The following MFF variants were observed in gnomAD, a reference collection of about 807,000 sequenced individuals.
MFF encodes mitochondrial fission factor.
MFF carries 12 observed loss-of-function variants against 36.9 expected under a neutral mutation model. That is an observed-to-expected ratio of 0.33 (90% CI 0.21 to 0.53). The LOEUF is 0.53. Ranked by LOEUF, MFF falls within the 20% of genes least tolerant of loss-of-function variation. The pLI is 0.95. For missense variants in MFF, 348 were observed against 366.6 expected, an observed-to-expected ratio of 0.95 and a Z score of 0.42; for synonymous variants, 99 against 126.2, an observed-to-expected ratio of 0.78 and a Z score of 1.44.
intron 5 of MFF, among the ~76,000 whole-genome samples, chr2:227,345,715 C>G (rs529915290): frequency 7.2e-5 from 11 of 151,914 alleles, no homozygotes; most frequent in Non-Finnish European, 1.6e-4. Flanking sequence ...TTGTTTTTAC[C>G]CTTCTGGAAT....
chr2:227,335,407 T>C (rs551571375), intron 4 of MFF, among the ~76,000 whole-genome samples: 1 of 152,234 alleles, frequency 6.6e-6, no homozygotes, highest in South Asian at 2.1e-4. Context: ...TTTGGGCTGA[T>C]GAAAATATTC....
chr2:227,339,697 T>C (rs1279601445), intron 4 of MFF, among the ~76,000 whole-genome samples: 1 of 152,204 alleles, frequency 6.6e-6, no homozygotes, highest in Non-Finnish European at 1.5e-5. Flanking sequence ...TCACCAGCCC[T>C]CTGAATTTCA....
At chr2:227,347,569 G>C (rs2075778891) in intron 6 of MFF, among the ~76,000 whole-genome samples, 185 bp downstream of exon 6, 1 of 152,150 alleles carries the variant, frequency 6.6e-6, no homozygotes, top group Non-Finnish European at 1.5e-5. Flanking sequence ...CATTTCACAA[G>C]ATTACATTAG....
intron 7 of MFF, chr2:227,355,416 T>C (rs1167326919): frequency 4.1e-6 from 1 of 245,144 alleles, no homozygotes; most frequent in Non-Finnish European, 7.8e-6. Flanking sequence ...GAGAATTTTC[T>C]ATGTGTTTCT....
At chr2:227,342,649 A>C in intron 5 of MFF, 7 of 928,864 alleles carry the variant, frequency 7.5e-6, no homozygotes, top group Non-Finnish European at 1.2e-5. Flanking sequence ...GTCAGCTATT[A>C]GCGCAAAAGT....
intron 2 of MFF, 61 bp from the exon 3 acceptor site, chr2:227,330,565 A>C (rs916192122): frequency 4.9e-6 from 6 of 1,218,482 alleles, no homozygotes; most frequent in Non-Finnish European, 7.2e-6. Context: ...TTCTAACTTC[A>C]CTGCGTAGAG....
intron 5 of MFF, among the ~76,000 whole-genome samples, chr2:227,345,723 A>C (rs1034368501): frequency 1.3e-5 from 2 of 152,126 alleles, no homozygotes; most frequent in Non-Finnish European, 2.9e-5. Flanking sequence ...ACCCTTCTGG[A>C]ATGCCTGGTA....
chr2:227,330,420 G>T, intron 2 of MFF: 1 of 553,746 alleles, frequency 1.8e-6, no homozygotes, highest in East Asian at 3.0e-5. Flanking sequence ...ATATCCTCAA[G>T]GTACAATTTC....
intron 2 of MFF, chr2:227,330,039 GTA>G (rs1316137591): frequency 7.7e-5 from 23 of 299,742 alleles, no homozygotes; most frequent in Non-Finnish European, 1.3e-4. Context: ...TCTAAATTTG[GTA>G]TTCATTGCAT....
chr2:227,330,999 T>C (rs2074531360), intron 3 of MFF, among the ~76,000 whole-genome samples, 153 bp downstream of exon 3: 1 of 152,242 alleles, frequency 6.6e-6, no homozygotes, highest in South Asian at 2.1e-4. Flanking sequence ...ATAGTCTGAA[T>C]TGCAAACAGT....
At chr2:227,356,426 C>T (rs534831126) in intron 8 of MFF, among the ~76,000 whole-genome samples, 1 of 152,290 alleles carries the variant, frequency 6.6e-6, no homozygotes, top group East Asian at 1.9e-4. Flanking sequence ...CAGCCAGCAG[C>T]ATTTCCAGCA....
chr2:227,344,821 T>A (rs897240882), intron 5 of MFF, among the ~76,000 whole-genome samples: 1 of 152,248 alleles, frequency 6.6e-6, no homozygotes, highest in Admixed American at 6.5e-5. Context: ...TTTGAAATGT[T>A]AATTTCTTTT....
At chr2:227,330,534 C>A in intron 2 of MFF, 92 bp from the exon 3 acceptor site, 2 of 784,676 alleles carry the variant, frequency 2.5e-6, no homozygotes, top group Non-Finnish European at 3.9e-6. Context: ...TTTCCTTTCG[C>A]TCTTTCTATA....
chr2:227,330,819 C>T lies in MFF; in HGVS notation c.154C>T (p.Gln52Ter). ...EGVPNASVIM[Q>*]VPERIVVAGN... ...AGTTCCAAATGCTAGTGTGATAATG[C>T]AAGTTCCGGAGAGGATTGTTGTAGC... is the stretch of plus-strand genomic sequence containing the variant. Residue 52 changes from glutamine (Q) to a stop codon, truncating the protein, a stop_gained, in exon 3 of 9, where the codon CAA becomes TAA. Coordinates refer to ENST00000304593, the MANE Select transcript of MFF (RefSeq NM_001277062.2). LOFTEE classifies it high-confidence loss of function. The T allele has an allele frequency of 6.2e-7, 1 of 1,614,132 alleles. No individual in the cohort carries two copies.
At chr2:227,347,499 C>T in intron 6 of MFF, 115 bp downstream of exon 6, 1 of 804,544 alleles carries the variant, frequency 1.2e-6, no homozygotes, top group South Asian at 1.7e-5. Flanking sequence ...TTCTAAGATG[C>T]AATGATTTGA....
chr2:227,338,331 T>G (rs1421162976), intron 4 of MFF, among the ~76,000 whole-genome samples: 1 of 145,616 alleles, frequency 6.9e-6, no homozygotes, highest in Non-Finnish European at 1.5e-5. Flanking sequence ...ATAGCACCAT[T>G]GCACTCCAGC....
chr2:227,349,654 G>T (rs192584336), intron 6 of MFF, among the ~76,000 whole-genome samples: 58 of 152,182 alleles, frequency 3.8e-4, no homozygotes, highest in African/African-American at 1.4e-3. Flanking sequence ...TGTTGAGCAA[G>T]ATTTTATCAG....
rs771144527 is a variant in MFF at position 227,332,404 on chromosome 2, C to T, written c.182-15C>T. ...CGCTTTTCTCTTCTTTGTCTCTTTT[C>T]TTGAAAACTCCTAGGAAATAATGAA... On this transcript the variant is annotated splice_polypyrimidine_tract_variant and intron_variant, in intron 3 of 8. Transcript: ENST00000304593. 2 of 1,496,838 alleles carry T rather than the reference C, an allele frequency of 1.3e-6. No individual in the cohort carries two copies. Among genetic ancestry groups the T allele is most frequent in the Non-Finnish European group, 1.8e-6 (2 of 1,125,396 alleles). The allele number at this position is 1,496,838 out of a possible 1,614,324, so 92.7% of individuals were successfully genotyped here. A position where few individuals can be genotyped will look rare whatever the true frequency, so the allele number is the denominator to read the frequency against.
At chr2:227,346,286 T>C (rs1028105303) in intron 5 of MFF, 1 of 167,120 alleles carries the variant, frequency 6.0e-6, no homozygotes, top group Non-Finnish European at 1.5e-5. Flanking sequence ...ACGTTGAGAA[T>C]GTTGAGCCCT....
Sources: allele counts gnomAD v4.1 joint callset (sites outside exome capture counted in the v4.1 genomes callset), GRCh38; gene constraint gnomAD v4.1.1; transcripts MANE v1.5; gene names NCBI Gene and HGNC (gene_info 2026-07-23, HGNC 2026-07-21).